The following GRID2 variants were observed in gnomAD, a reference collection of about 807,000 sequenced individuals.
The protein encoded by GRID2 is glutamate receptor ionotropic, delta-2.
A neutral mutation model predicts 114.8 loss-of-function variants in GRID2; 33 were observed. The ratio of observed to expected loss-of-function variants is 0.29; its 90% CI spans 0.22 to 0.38. The LOEUF (loss-of-function observed/expected upper bound fraction) is 0.38. Among genes scored for constraint, GRID2 ranks in the 10% least tolerant of loss-of-function variants. GRID2 has a pLI of 1.00. For missense variants in GRID2, 1,184 were observed against 1,257.7 expected (o/e 0.94, Z 0.89); for synonymous variants, 505 against 449.9 (o/e 1.12, Z -1.55).
chr4:92,530,896 G>A (rs957732927), intron 1 of GRID2, among the ~76,000 whole-genome samples: 1 of 151,910 alleles, frequency 6.6e-6, no homozygotes, highest in Non-Finnish European at 1.5e-5. Flanking sequence ...GACAGAGTGA[G>A]ACTCCATCTT....
chr4:92,654,996 C>T (rs545434409), intron 2 of GRID2, among the ~76,000 whole-genome samples: 26 of 151,766 alleles, frequency 1.7e-4, no homozygotes, highest in East Asian at 1.4e-3. Flanking sequence ...TGTTTTTTTA[C>T]GGTTTCTTAT....
intron 1 of GRID2, among the ~76,000 whole-genome samples, chr4:92,586,356 A>G (rs1211231268): frequency 3.4e-5 from 1 of 29,038 alleles, no homozygotes; most frequent in African/African-American, 2.1e-4. Flanking sequence ...CAAAAAATCT[A>G]CACACACACA....
At chr4:93,744,191 A>G (rs891997895) in intron 14 of GRID2, among the ~76,000 whole-genome samples, 3 of 152,198 alleles carry the variant, frequency 2.0e-5, no homozygotes, top group Non-Finnish European at 4.4e-5. Context: ...ATGAACAAGG[A>G]GATAATGTTG....
intron 2 of GRID2, among the ~76,000 whole-genome samples, chr4:93,054,127 T>C (rs1476672004): frequency 6.6e-6 from 1 of 151,904 alleles, no homozygotes; most frequent in African/African-American, 2.4e-5. Flanking sequence ...AATTGTTACC[T>C]GAAAGAGGCA....
intron 2 of GRID2, among the ~76,000 whole-genome samples, chr4:92,794,901 TATATAC>T (rs1198976930): frequency 7.3e-6 from 1 of 136,714 alleles, no homozygotes; most frequent in African/African-American, 2.7e-5. Flanking sequence ...TATATATATA[TATATAC>T]ACACACACAC....
At chr4:93,412,358 C>T (rs541265342) in intron 9 of GRID2, among the ~76,000 whole-genome samples, 104 of 151,968 alleles carry the variant, frequency 6.8e-4, no homozygotes, top group Admixed American at 1.6e-3. Context: ...TGTGCCATTG[C>T]ACTTCAACCT....
intron 4 of GRID2, among the ~76,000 whole-genome samples, chr4:93,121,083 C>A (rs1441311291): frequency 6.6e-6 from 1 of 152,082 alleles, no homozygotes; most frequent in Non-Finnish European, 1.5e-5. Flanking sequence ...TATCCCAGAA[C>A]TTAAAGTATA....
intron 2 of GRID2, among the ~76,000 whole-genome samples, chr4:92,623,894 A>G (rs1174373933): frequency 6.6e-6 from 1 of 151,766 alleles, no homozygotes; most frequent in Non-Finnish European, 1.5e-5. Context: ...AAAACATGCT[A>G]TATAAAAGGT....
chr4:93,343,190 ATATTAGAAGT>A (rs1759845396), intron 8 of GRID2, among the ~76,000 whole-genome samples: 1 of 150,940 alleles, frequency 6.6e-6, no homozygotes, highest in African/African-American at 2.4e-5. Flanking sequence ...GTATTGGGTC[ATATTAGAAGT>A]TATTAGAAGT....
At chr4:92,518,117 CTCTT>C (rs1029908378) in intron 1 of GRID2, among the ~76,000 whole-genome samples, 1 of 151,834 alleles carries the variant, frequency 6.6e-6, no homozygotes, top group African/African-American at 2.4e-5. Context: ...CATCTTCTCT[CTCTT>C]TCTCTCTCCC....
chr4:93,678,123 G>A (rs887244275), intron 14 of GRID2, among the ~76,000 whole-genome samples: 2 of 152,184 alleles, frequency 1.3e-5, no homozygotes, highest in Admixed American at 1.3e-4. Context: ...AGAACTGCAT[G>A]AAGAATGTAG....
intron 1 of GRID2, among the ~76,000 whole-genome samples, chr4:92,439,463 T>C (rs921375530): frequency 6.0e-5 from 9 of 151,010 alleles, no homozygotes; most frequent in Admixed American, 2.6e-4. Flanking sequence ...AGTGTTGGGG[T>C]GGTGAAAATT....
At chr4:93,128,027 C>CAAAA (rs1008311457) in intron 4 of GRID2, among the ~76,000 whole-genome samples, 658 of 20,004 alleles carry the variant, frequency 0.033, 48 homozygotes, top group Middle Eastern at 0.056. Flanking sequence ...TCCCCCGCAA[C>CAAAA]AAAAAAAAAA....
At chr4:92,380,840 C>T (rs1729588165) in intron 1 of GRID2, among the ~76,000 whole-genome samples, 1 of 151,914 alleles carries the variant, frequency 6.6e-6, no homozygotes, top group Non-Finnish European at 1.5e-5. Context: ...CAAAATGGTA[C>T]ATATAATACT....
intron 2 of GRID2, among the ~76,000 whole-genome samples, chr4:92,603,000 G>GAATACAGCTAGC (rs1375648812): frequency 3.9e-5 from 6 of 152,114 alleles, no homozygotes; most frequent in African/African-American, 1.4e-4. Flanking sequence ...CAAGGGAAGT[G>GAATACAGCTAGC]AAGGACCTCT....
At chr4:92,330,899 A>T (rs979461728) in intron 1 of GRID2, among the ~76,000 whole-genome samples, 9 of 152,266 alleles carry the variant, frequency 5.9e-5, no homozygotes, top group African/African-American at 1.9e-4. Flanking sequence ...TCAAATTAGG[A>T]TATTTACATT....
At chr4:92,742,971 G>A (rs1034122639) in intron 2 of GRID2, among the ~76,000 whole-genome samples, 1 of 152,078 alleles carries the variant, frequency 6.6e-6, no homozygotes, top group Non-Finnish European at 1.5e-5. Context: ...AGTCTTATAT[G>A]TATTTAATAA....
chr4:92,894,587 T>C (rs747166160), intron 2 of GRID2, among the ~76,000 whole-genome samples: 1 of 152,164 alleles, frequency 6.6e-6, no homozygotes, highest in Non-Finnish European at 1.5e-5. Context: ...GAAGGATAGA[T>C]TTTAGGCAAA....
chr4:93,808,536 C>T (rs1191293003), exon 2 of GRID2: 1 of 152,196 alleles, frequency 6.6e-6, no homozygotes, highest in Non-Finnish European at 1.5e-5. Flanking sequence ...CTCACCCTTA[C>T]ACAAGTGAAT....
Sources: gnomAD v4.1 joint callset for allele counts (sites outside exome capture counted in the v4.1 genomes callset) on GRCh38, gnomAD v4.1.1 for gene constraint, MANE v1.5 for transcripts, NCBI Gene and HGNC (gene_info 2026-07-23, HGNC 2026-07-21) for gene names.